PDE10A: variants seen among roughly 807,000 people sequenced by gnomAD.
PDE10A encodes the protein phosphodiesterase 10A, also known as cAMP and cAMP-inhibited cGMP 3',5'-cyclic phosphodiesterase 10A.
In PDE10A, 39 loss-of-function variants were observed where a neutral mutation model predicts 97.7. That is an observed-to-expected ratio of 0.40 (90% CI 0.31 to 0.52). The LOEUF (loss-of-function observed/expected upper bound fraction) is 0.52, where lower values mean the gene tolerates loss of function less well. Ranked by LOEUF, PDE10A falls within the 20% of genes least tolerant of loss-of-function variation. PDE10A has a pLI of 0.56. For missense variants in PDE10A, 731 were observed against 1,047.8 expected (o/e 0.70, Z 4.17); for synonymous variants, 371 against 376.8 (o/e 0.98, Z 0.18).
intron 1 of PDE10A, among the ~76,000 whole-genome samples, chr6:165,693,570 TA>T (rs1007248084): frequency 1.3e-5 from 2 of 149,050 alleles, no homozygotes; most frequent in African/African-American, 4.9e-5. Flanking sequence ...CACTGAATTT[TA>T]AAAAATATAA....
intron 18 of PDE10A, among the ~76,000 whole-genome samples, chr6:165,357,788 CT>C (rs1783126947): frequency 6.6e-6 from 1 of 151,750 alleles, no homozygotes; most frequent in African/African-American, 2.4e-5. Context: ...TTTTAATAGT[CT>C]TTTCAAAGAA....
chr6:165,450,964 A>G (rs545911629), intron 3 of PDE10A, among the ~76,000 whole-genome samples: 3 of 152,222 alleles, frequency 2.0e-5, no homozygotes, highest in African/African-American at 7.2e-5. Flanking sequence ...AGTTTTATAT[A>G]TATTAGGTAA....
chr6:165,495,410 T>A (rs189505816), intron 2 of PDE10A, among the ~76,000 whole-genome samples: 1 of 152,028 alleles, frequency 6.6e-6, no homozygotes, highest in Admixed American at 6.6e-5. Flanking sequence ...AATGAGAAAT[T>A]GAGTCTTCAG....
rs1012495777 is a variant in PDE10A, at chr6:165,711,851, G to A, written c.-614-168283C>T. Among the ~76,000 whole-genome samples the A allele has an allele frequency of 2.0e-5, 3 of 152,204 alleles. No homozygotes were observed. The highest frequency in any genetic ancestry group is 2.0e-4 in the Admixed American group (3 of 15,290). On this transcript the variant is annotated intron_variant, in intron 1 of 19. Coordinates refer to the PDE10A transcript ENST00000366882. This position sits in a 1 kb window ranked among gnomAD's most constrained non-coding sequence, Gnocchi z 4.5. ...TAAAATGCTTTAGCATAAACAGCGGGATGTAGGAGTGTGTTGGTTGGTTTT... is the reference window on the plus strand; with the variant it reads ...TAAAATGCTTTAGCATAAACAGCGGAATGTAGGAGTGTGTTGGTTGGTTTT...
chr6:165,589,993 A>C (rs1026443659), intron 1 of PDE10A, among the ~76,000 whole-genome samples: 1 of 152,214 alleles, frequency 6.6e-6, no homozygotes, highest in Non-Finnish European at 1.5e-5. Context: ...TGCATACTAT[A>C]TTATTTCAGT....
intron 2 of PDE10A, among the ~76,000 whole-genome samples, chr6:165,518,336 T>C (rs1036549782): frequency 6.6e-6 from 1 of 152,192 alleles, no homozygotes; most frequent in Non-Finnish European, 1.5e-5. Context: ...ACCACAATAT[T>C]AAATGGAAAA....
chr6:165,917,968 C>T (rs1203257398), intron 1 of PDE10A, among the ~76,000 whole-genome samples: 1 of 152,216 alleles, frequency 6.6e-6, no homozygotes, highest in African/African-American at 2.4e-5. Flanking sequence ...TTATCACCCA[C>T]AAATGGTTGA....
intron 1 of PDE10A, among the ~76,000 whole-genome samples, chr6:165,645,682 T>C (rs1291359904): frequency 6.6e-6 from 1 of 151,712 alleles, no homozygotes; most frequent in Admixed American, 6.6e-5. Context: ...GGTGAAACCC[T>C]ATCTCTACTA....
intron 1 of PDE10A, among the ~76,000 whole-genome samples, chr6:165,653,669 T>G (rs1479009737): frequency 1.3e-5 from 2 of 152,184 alleles, no homozygotes; most frequent in African/African-American, 4.8e-5. Flanking sequence ...CAGGTCTGGA[T>G]CCCTCATGAG....
chr6:165,683,700 A>G (rs1357381449), intron 1 of PDE10A, among the ~76,000 whole-genome samples: 1 of 152,184 alleles, frequency 6.6e-6, no homozygotes, highest in Admixed American at 6.5e-5. Flanking sequence ...GAGGCCCCTG[A>G]GCTGCCAGGC....
Position 165,386,723 on chromosome 6 carries a change from C to T in PDE10A, c.2610+1575G>A, listed in dbSNP as rs139655428. Among the ~76,000 whole-genome samples the T allele has an allele frequency of 8.6e-3, 1,314 of 152,008 alleles. 16 individuals are homozygous for T. Among genetic ancestry groups the T allele is most frequent in the South Asian group, 0.015 (74 of 4,808 alleles). On this transcript the variant is annotated intron_variant, in intron 17 of 21. Coordinates refer to ENST00000539869, the MANE Select transcript of PDE10A (RefSeq NM_001385079.1). The stretch of plus-strand genomic sequence containing the variant: ...CCTGCTTAAATTTCTATGTATGCAG[C>T]CAGGCGCGGTGGCTCACGCCTGTAA...
intron 1 of PDE10A, among the ~76,000 whole-genome samples, chr6:165,876,849 C>A (rs1478636630): frequency 1.3e-5 from 2 of 152,150 alleles, no homozygotes; most frequent in Admixed American, 1.3e-4. Flanking sequence ...TAGCTTTGCT[C>A]CCAGATCCAG....
chr6:165,703,960 A>G (rs1791642396), intron 1 of PDE10A, among the ~76,000 whole-genome samples: 1 of 152,242 alleles, frequency 6.6e-6, no homozygotes, highest in African/African-American at 2.4e-5. Flanking sequence ...TAGCCAAGTC[A>G]TGGAAAGTGC....
intron 1 of PDE10A, among the ~76,000 whole-genome samples, chr6:165,629,899 A>G (rs1277216021): frequency 6.6e-6 from 1 of 152,154 alleles, no homozygotes; most frequent in Non-Finnish European, 1.5e-5. Flanking sequence ...ATTAAAGAAC[A>G]GTAGAGAATT....
intron 1 of PDE10A, among the ~76,000 whole-genome samples, chr6:165,785,196 C>T (rs917265321): frequency 3.9e-5 from 6 of 152,204 alleles, no homozygotes; most frequent in Non-Finnish European, 7.3e-5. Context: ...GGGTCCTTGC[C>T]TCCTGGTGTT....
chr6:165,938,154 C>T (rs902426313), intron 1 of PDE10A, among the ~76,000 whole-genome samples: 6 of 152,302 alleles, frequency 3.9e-5, no homozygotes, highest in African/African-American at 1.4e-4. Flanking sequence ...TTGGCATTCT[C>T]GAAGCACAAC....
At chr6:165,907,834 C>G (rs1278610143) in intron 1 of PDE10A, among the ~76,000 whole-genome samples, 4 of 152,224 alleles carry the variant, frequency 2.6e-5, no homozygotes, top group African/African-American at 9.6e-5. Flanking sequence ...CTGGACACCT[C>G]TAGCTCTGCA....
At chr6:165,550,296 T>C (rs940660481) in intron 1 of PDE10A, among the ~76,000 whole-genome samples, 10 of 152,206 alleles carry the variant, frequency 6.6e-5, no homozygotes, top group African/African-American at 2.4e-4. Context: ...AATTCTAAGG[T>C]ATACGTAACC....
intron 1 of PDE10A, among the ~76,000 whole-genome samples, chr6:165,644,520 G>A (rs997194510): frequency 7.9e-5 from 12 of 152,220 alleles, no homozygotes; most frequent in Admixed American, 7.9e-4. Context: ...CAACAGGCAG[G>A]AATTGTGGAA....
Sources: allele counts gnomAD v4.1 joint callset (sites outside exome capture counted in the v4.1 genomes callset), GRCh38; gene constraint gnomAD v4.1.1; non-coding constraint Gnocchi (gnomAD v3.1); transcripts MANE v1.5; gene names NCBI Gene and HGNC (gene_info 2026-07-23, HGNC 2026-07-21).